Variants in POLQ observed in about 807,000 individuals in gnomAD.
POLQ encodes the protein DNA polymerase theta.
POLQ carries 233 observed loss-of-function variants against 259.2 expected under a neutral mutation model. The observed-to-expected ratio is 0.90, with a 90% CI of 0.81 to 1.00. POLQ has a LOEUF of 1.00. POLQ is among the 50% of genes least tolerant of loss of function. The pLI is 0.00. For missense variants in POLQ, 2,871 were observed against 3,051.6 expected (o/e 0.94, Z 1.39); for synonymous variants, 1,025 against 1,048.8 (o/e 0.98, Z 0.44).
At chr3:121,472,545 G>A (rs2047894032) in intron 21 of POLQ, among the ~76,000 whole-genome samples, 1 of 152,100 alleles carries the variant, frequency 6.6e-6, no homozygotes. Flanking sequence ...TGCTTGCCCG[G>A]ATACTTATAC....
At chr3:121,537,358 TA>T (rs2048458384) in intron 4 of POLQ, 150 bp from the exon 5 acceptor site, 2 of 620,682 alleles carry the variant, frequency 3.2e-6, no homozygotes, top group Admixed American at 5.7e-5. Flanking sequence ...TACCTGGGTA[TA>T]TTGTGTAATG....
intron 27 of POLQ, among the ~76,000 whole-genome samples, chr3:121,438,875 G>C (rs1445796368): frequency 1.3e-5 from 2 of 152,166 alleles, no homozygotes; most frequent in Admixed American, 1.3e-4. Context: ...AGAGAGTAAA[G>C]CAGTAACAAA....
rs181179333 is a variant in POLQ, at chr3:121,501,953, G to A, written c.1960-3283C>T. Among the ~76,000 whole-genome samples, 285 of 145,646 alleles carry A rather than the reference G, an allele frequency of 2.0e-3. 1 individual carries two copies. Among genetic ancestry groups the A allele is most frequent in the Admixed American group, 4.3e-3 (62 of 14,420 alleles). The stretch of plus-strand genomic sequence containing the variant: ...TGCAGTGAGCAGAGACTGCACCACC[G>A]CACTCCAGCCTGGGCAACAGAATGA... On this transcript the variant is annotated intron_variant, in intron 12 of 29. Coordinates refer to ENST00000264233, the MANE Select transcript of POLQ (RefSeq NM_199420.4).
At chr3:121,446,185 T>A (rs1405806005) in intron 26 of POLQ, among the ~76,000 whole-genome samples, 1 of 152,206 alleles carries the variant, frequency 6.6e-6, no homozygotes, top group Non-Finnish European at 1.5e-5. Flanking sequence ...CTTTCTTAAT[T>A]TTTTAATTGA....
chr3:121,505,418 GAAGGGAA>G (rs2048200763), intron 12 of POLQ, among the ~76,000 whole-genome samples: 1 of 152,210 alleles, frequency 6.6e-6, no homozygotes, highest in East Asian at 1.9e-4. Flanking sequence ...GCAGAGCAAT[GAAGGGAA>G]ACTTGCCCTA....
chr3:121,485,269 C>G (rs2048002576), intron 16 of POLQ, 85 bp from the exon 17 acceptor site: 2 of 965,756 alleles, frequency 2.1e-6, no homozygotes, highest in South Asian at 4.1e-5. Flanking sequence ...AATAAAAAAC[C>G]TATCTTTGAT....
At chr3:121,519,502 C>T (rs1229024887) in intron 9 of POLQ, among the ~76,000 whole-genome samples, 1 of 149,074 alleles carries the variant, frequency 6.7e-6, no homozygotes, top group Non-Finnish European at 1.5e-5. Flanking sequence ...GGTGAGACCC[C>T]GTCTCTACTA....
intron 14 of POLQ, chr3:121,494,652 G>GC: frequency 1.3e-6 from 2 of 1,534,492 alleles, no homozygotes; most frequent in Non-Finnish European, 1.8e-6. Context: ...GTCCCTTACT[G>GC]CATTACCAAG....
chr3:121,522,732 CA>C, intron 7 of POLQ, among the ~76,000 whole-genome samples: 1 of 152,198 alleles, frequency 6.6e-6, no homozygotes, highest in East Asian at 1.9e-4. Flanking sequence ...CAATGTGCGC[CA>C]AAGTTTAGGA....
chr3:121,537,691 G>C (rs1481276629), intron 4 of POLQ, among the ~76,000 whole-genome samples: 1 of 151,664 alleles, frequency 6.6e-6, no homozygotes, highest in Non-Finnish European at 1.5e-5. Context: ...TTTGAAATAA[G>C]ATATTGAGAT....
At chr3:121,469,461 G>A (rs1288354154) in intron 22 of POLQ, among the ~76,000 whole-genome samples, 1 of 152,080 alleles carries the variant, frequency 6.6e-6, no homozygotes, top group Non-Finnish European at 1.5e-5. Flanking sequence ...TGACTTGGAC[G>A]TTGTTTTTTT....
intron 27 of POLQ, among the ~76,000 whole-genome samples, chr3:121,438,532 T>C (rs2047562952): frequency 6.6e-6 from 1 of 152,146 alleles, no homozygotes; most frequent in South Asian, 2.1e-4. Flanking sequence ...GAGAAAATTA[T>C]ATACCCCTAT....
At chr3:121,482,493 C>A (rs1359990421) in intron 18 of POLQ, among the ~76,000 whole-genome samples, 2 of 148,692 alleles carry the variant, frequency 1.3e-5, no homozygotes, top group South Asian at 2.2e-4. Context: ...GCACTCCAGC[C>A]TGGGCAACAA....
At chr3:121,453,554 T>C (rs78956724) in intron 25 of POLQ, among the ~76,000 whole-genome samples, 5 of 152,144 alleles carry the variant, frequency 3.3e-5, no homozygotes, top group East Asian at 1.9e-4. Context: ...AAGGAGCTGA[T>C]GGAGCTGAAA....
chr3:121,514,515 A>T (rs1013504322), intron 9 of POLQ, among the ~76,000 whole-genome samples: 2 of 152,092 alleles, frequency 1.3e-5, no homozygotes, highest in African/African-American at 4.8e-5. Context: ...ACAGTATCAC[A>T]CAGAAAGGAA....
At chr3:121,544,421 G>C (rs2048513548) in intron 2 of POLQ, among the ~76,000 whole-genome samples, 1 of 152,102 alleles carries the variant, frequency 6.6e-6, no homozygotes, top group Non-Finnish European at 1.5e-5. Flanking sequence ...GATCAAACAG[G>C]GGAAGGGCAG....
At chr3:121,445,933 T>C (rs2047629423) in intron 26 of POLQ, among the ~76,000 whole-genome samples, 1 of 152,162 alleles carries the variant, frequency 6.6e-6, no homozygotes, top group Non-Finnish European at 1.5e-5. Context: ...TTCAATTTCA[T>C]TCTTTATTTC....
At chr3:121,525,914 A>G (rs1003972705) in intron 7 of POLQ, among the ~76,000 whole-genome samples, 3 of 151,982 alleles carry the variant, frequency 2.0e-5, no homozygotes, top group African/African-American at 4.8e-5. Flanking sequence ...CATTTTCACA[A>G]TCTTTTTCAT....
At chr3:121,542,803 A>G (rs1174177003) in intron 2 of POLQ, among the ~76,000 whole-genome samples, 2 of 152,130 alleles carry the variant, frequency 1.3e-5, no homozygotes, top group Non-Finnish European at 2.9e-5. Context: ...CAAAAAATTT[A>G]AACAAAAATT....
Sources: allele counts gnomAD v4.1 joint callset (sites outside exome capture counted in the v4.1 genomes callset), GRCh38; gene constraint gnomAD v4.1.1; transcripts MANE v1.5; gene names NCBI Gene and HGNC (gene_info 2026-07-23, HGNC 2026-07-21).